Variants in RALA observed in about 807,000 individuals in gnomAD.
RALA encodes the protein ras-related protein Ral-A.
A neutral mutation model predicts 24.0 loss-of-function variants in RALA; 5 were observed. The observed-to-expected ratio is 0.21, with a 90% CI of 0.11 to 0.44. The LOEUF is 0.44. RALA is among the 20% of genes least tolerant of loss of function. RALA has a pLI of 0.99. For synonymous variants in RALA, 77 were observed against 83.8 expected (o/e 0.92, Z 0.44); for missense variants, 95 against 241.2 (o/e 0.39, Z 4.01).
intron 3 of RALA, among the ~76,000 whole-genome samples, chr7:39,692,327 C>T (rs1792835483): frequency 6.6e-6 from 1 of 152,260 alleles, no homozygotes; most frequent in Middle Eastern, 3.4e-3. Flanking sequence ...GTCTCAGTAT[C>T]CCCAGTACCT....
At chr7:39,665,187 A>G (rs1042292905) in intron 1 of RALA, among the ~76,000 whole-genome samples, 1 of 152,040 alleles carries the variant, frequency 6.6e-6, no homozygotes, top group Non-Finnish European at 1.5e-5. Flanking sequence ...TACCCCTGAG[A>G]CAGCAGGACC....
chr7:39,655,591 A>T (rs1792082415), intron 1 of RALA, among the ~76,000 whole-genome samples: 1 of 151,976 alleles, frequency 6.6e-6, no homozygotes, highest in South Asian at 2.1e-4. Context: ...CCATTTCTTA[A>T]TTTTTTTTCA....
At chr7:39,705,840 CT>C (rs1793113204) in intron 4 of RALA, among the ~76,000 whole-genome samples, 1 of 151,904 alleles carries the variant, frequency 6.6e-6, no homozygotes, top group South Asian at 2.1e-4. Flanking sequence ...CCTTATAGAA[CT>C]TTTTAGACTT....
rs145696350 is a variant in RALA at position 39,697,372 on chromosome 7, C to G, written c.498+513C>G. 2,390 of 456,722 alleles carry G rather than the reference C, an allele frequency of 5.2e-3. 17 individuals are homozygous for G. The highest frequency in any genetic ancestry group is 7.3e-3 in the Non-Finnish European group (1,658 of 226,974). The allele number at this position is 456,722 out of a possible 1,614,324, so 28.3% of individuals were successfully genotyped here. A position where few individuals can be genotyped will look rare whatever the true frequency, so the allele number is the denominator to read the frequency against. On this transcript the variant is annotated intron_variant, in intron 4 of 4. Coordinates refer to ENST00000005257, the MANE Select transcript of RALA (RefSeq NM_005402.4). ...AAAGAGAAAGAAAGGAAAGTAAACA[C>G]TCTGCCCTCCTTTCTTGTCTTCTCG... is the stretch of plus-strand genomic sequence containing the variant.
At chr7:39,684,724 A>AG (rs544147483) in intron 1 of RALA, among the ~76,000 whole-genome samples, 111 of 151,860 alleles carry the variant, frequency 7.3e-4, no homozygotes, top group South Asian at 2.9e-3. Flanking sequence ...AAAAAAAAAA[A>AG]AAAAGAAAAA....
At chr7:39,657,568 A>G (rs1289115276) in intron 1 of RALA, among the ~76,000 whole-genome samples, 1 of 152,130 alleles carries the variant, frequency 6.6e-6, no homozygotes, top group Non-Finnish European at 1.5e-5. Context: ...CCTTCTAAAC[A>G]TTATCTTTTT....
intron 1 of RALA, among the ~76,000 whole-genome samples, chr7:39,670,914 C>G (rs1435480395): frequency 6.6e-6 from 1 of 151,968 alleles, no homozygotes; most frequent in Non-Finnish European, 1.5e-5. Context: ...CTTACAGTAA[C>G]TCTTCTCTCC....
chr7:39,648,521 C>A (rs533514406), intron 1 of RALA, among the ~76,000 whole-genome samples: 3 of 151,894 alleles, frequency 2.0e-5, no homozygotes, highest in South Asian at 4.2e-4. Flanking sequence ...ACAGTAAATA[C>A]AATGGGCAAA....
rs397690937 is a variant in RALA, at chr7:39,662,238, A to AG, written c.-37-24393_-37-24392insG. Among the ~76,000 whole-genome samples, 27 of 47,084 alleles carry AG rather than the reference A, an allele frequency of 5.7e-4. No homozygotes were observed. The South Asian group carries it at 0.016, about 27-fold the overall frequency. 30.9% of individuals were successfully genotyped at this position (47,084 alleles called of 152,430 possible). A position where few individuals can be genotyped will look rare whatever the true frequency, so the allele number is the denominator to read the frequency against. Reference sequence around the variant, plus strand: ...AAGGTCTCTGACATACCCTGGAGACATTTTCCCCATTGTCTTGGTGATTAA... The same window carrying AG: ...AAGGTCTCTGACATACCCTGGAGACAGTTTTCCCCATTGTCTTGGTGATTAA... On this transcript the variant is annotated intron_variant, in intron 1 of 4. Coordinates refer to ENST00000005257, the MANE Select transcript of RALA (RefSeq NM_005402.4).
chr7:39,698,007 A>G (rs755501164), intron 4 of RALA, among the ~76,000 whole-genome samples: 1 of 151,686 alleles, frequency 6.6e-6, no homozygotes, highest in Non-Finnish European at 1.5e-5. Flanking sequence ...CTTAAATAAC[A>G]AAGTTATTTC....
At chr7:39,652,773 A>T (rs1015014673) in intron 1 of RALA, among the ~76,000 whole-genome samples, 1 of 151,608 alleles carries the variant, frequency 6.6e-6, no homozygotes, top group African/African-American at 2.4e-5. Flanking sequence ...AATTAATTTT[A>T]TTATTATTAT....
intron 1 of RALA, among the ~76,000 whole-genome samples, chr7:39,664,038 A>G (rs574826722): frequency 6.6e-6 from 1 of 152,362 alleles, no homozygotes; most frequent in South Asian, 2.1e-4. Context: ...ATTAAGAAAA[A>G]CATTGAGGAG....
chr7:39,668,923 G>T (rs1792332776), intron 1 of RALA, among the ~76,000 whole-genome samples: 1 of 151,262 alleles, frequency 6.6e-6, no homozygotes, highest in African/African-American at 2.4e-5. Context: ...AGACCATCCA[G>T]GCCGACATGG....
At chr7:39,678,194 TAAAAAA>T in intron 1 of RALA, among the ~76,000 whole-genome samples, 1 of 137,836 alleles carries the variant, frequency 7.3e-6, no homozygotes, top group South Asian at 2.3e-4. Flanking sequence ...AAAGTATAAT[TAAAAAA>T]AAAAAAAAAG....
At chr7:39,631,015 T>TG (rs1019355479) in intron 1 of RALA, among the ~76,000 whole-genome samples, 9 of 151,506 alleles carry the variant, frequency 5.9e-5, no homozygotes, top group African/African-American at 1.9e-4. Flanking sequence ...GTTTTTGTTT[T>TG]TTTTTTTTTT....
chr7:39,638,894 T>A (rs1020017262), intron 1 of RALA, among the ~76,000 whole-genome samples: 2 of 152,210 alleles, frequency 1.3e-5, no homozygotes, highest in Non-Finnish European at 2.9e-5. Context: ...GGGAGAGTAA[T>A]TATTGGGTTG....
At chr7:39,672,535 A>G (rs1192327872) in intron 1 of RALA, among the ~76,000 whole-genome samples, 1 of 152,188 alleles carries the variant, frequency 6.6e-6, no homozygotes, top group Non-Finnish European at 1.5e-5. Context: ...AAGAAAAATG[A>G]AAACATGTGT....
intron 3 of RALA, among the ~76,000 whole-genome samples, chr7:39,695,725 AT>A (rs1257146630): frequency 6.6e-6 from 1 of 151,970 alleles, no homozygotes; most frequent in East Asian, 1.9e-4. Flanking sequence ...TTTAAAAGAT[AT>A]TTTTTATTTG....
At position 39,681,302 on chromosome 7, in the gene RALA, C is replaced by CTTTTTTTTTTTTTTTTTTTTT. The variant is rs70996832; in HGVS notation, c.-37-5316_-37-5296dup. On this transcript the variant is annotated intron_variant, in intron 1 of 4. Transcript: ENST00000005257. ...TCCTCAACCCAAACCCACCCTATTC[C>CTTTTTTTTTTTTTTTTTTTTT]TTTTTTTTTTTTTTTTTTTTTTTTT... 1.6e-4 allele frequency among the ~76,000 whole-genome samples: 8 copies of CTTTTTTTTTTTTTTTTTTTTT among 50,008 alleles called. 1 individual carries two copies. The highest frequency in any genetic ancestry group is 2.8e-4 in the Non-Finnish European group (8 of 28,084). 32.8% of individuals were successfully genotyped at this position (50,008 alleles called of 152,430 possible). A position where few individuals can be genotyped will look rare whatever the true frequency, so the allele number is the denominator to read the frequency against.
Sources: allele counts gnomAD v4.1 joint callset (sites outside exome capture counted in the v4.1 genomes callset), GRCh38; gene constraint gnomAD v4.1.1; transcripts MANE v1.5; gene names NCBI Gene and HGNC (gene_info 2026-07-23, HGNC 2026-07-21).